The following CMPK2 variants were observed in gnomAD, a reference collection of about 807,000 sequenced individuals.
The protein encoded by CMPK2 is cytidine/uridine monophosphate kinase 2, also known as UMP-CMP kinase 2, mitochondrial.
In CMPK2, 32 loss-of-function variants were observed where a neutral mutation model predicts 33.4. The ratio of observed to expected loss-of-function variants is 0.96; its 90% CI spans 0.72 to 1.29. CMPK2 has a LOEUF of 1.29. CMPK2 is among the 50% of genes most tolerant of loss of function. CMPK2 has a pLI of 0.00. For synonymous variants in CMPK2, 299 were observed against 275.3 expected (o/e 1.09, Z -0.85); for missense variants, 672 against 616.0 (o/e 1.09, Z -0.96).
At chr2:6,862,511 A>C (rs1331397697) in intron 2 of CMPK2, among the ~76,000 whole-genome samples, 1 of 152,208 alleles carries the variant, frequency 6.6e-6, no homozygotes, top group African/African-American at 2.4e-5. Flanking sequence ...CTGTAATCCC[A>C]CCAAATCTAA....
At chr2:6,863,748 G>A (rs2712039) in intron 1 of CMPK2, among the ~76,000 whole-genome samples, 170 bp from the exon 2 acceptor site, 137,174 of 152,298 alleles carry the variant, frequency 0.9, 63,522 homozygotes, top group East Asian at 1. Flanking sequence ...GGACTGGAGT[G>A]TTTTATTTTA....
downstream of CMPK2, among the ~76,000 whole-genome samples, chr2:6,845,905 A>T (rs1312895248): frequency 6.6e-6 from 1 of 152,070 alleles, no homozygotes; most frequent in African/African-American, 2.4e-5. Flanking sequence ...TGGGGAGAGT[A>T]TTGAAGCTAA....
At chr2:6,862,392 T>C (rs1662908573) in intron 2 of CMPK2, among the ~76,000 whole-genome samples, 2 of 152,236 alleles carry the variant, frequency 1.3e-5, no homozygotes, top group African/African-American at 2.4e-5. Context: ...AGGATGCAAA[T>C]GCAGGGCAGA....
chr2:6,860,582 G>A (rs1662842458), intron 3 of CMPK2, among the ~76,000 whole-genome samples: 1 of 152,168 alleles, frequency 6.6e-6, no homozygotes, highest in Non-Finnish European at 1.5e-5. Context: ...GACATGCTTT[G>A]TACCTTCCAC....
At position 6,861,386 on chromosome 2, in the gene CMPK2, C is replaced by T. The variant is rs747067471; in HGVS notation, c.791-1G>A. On this transcript the variant is annotated splice_acceptor_variant, in intron 2 of 4. Coordinates refer to ENST00000256722, the MANE Select transcript of CMPK2 (RefSeq NM_207315.4). LOFTEE classifies it high-confidence loss of function. ...ACTGACTGGGTCACCGTGGTTTTACCTGCAGGTCATACACAAAATATATAC... is the reference window on the plus strand; with the variant it reads ...ACTGACTGGGTCACCGTGGTTTTACTTGCAGGTCATACACAAAATATATAC... 1 of 1,613,456 alleles carries T rather than the reference C, an allele frequency of 6.2e-7. No homozygotes were observed. Among genetic ancestry groups the T allele is most frequent in the Non-Finnish European group, 8.5e-7 (1 of 1,179,494 alleles).
intron 3 of CMPK2, among the ~76,000 whole-genome samples, chr2:6,853,378 C>T (rs926964553): frequency 6.6e-6 from 1 of 152,104 alleles, no homozygotes; most frequent in African/African-American, 2.4e-5. Flanking sequence ...CTGCCTGTGT[C>T]CCCCGCCCCA....
At position 6,848,656 on chromosome 2, in the gene CMPK2, T is replaced by C. The variant is rs1188790845; in HGVS notation, c.*1194A>G. On this transcript the variant is annotated 3_prime_UTR_variant, in exon 5 of 5. Transcript: ENST00000256722. ...TAAATTTAATTATTTTGGAGTAATGTCTTCTTAAGAAATGGTAGATAGGAT... is the reference window on the plus strand; with the variant it reads ...TAAATTTAATTATTTTGGAGTAATGCCTTCTTAAGAAATGGTAGATAGGAT... 2.0e-6 allele frequency: 2 copies of C among 976,166 alleles called. No individual in the cohort carries two copies. Among genetic ancestry groups the C allele is most frequent in the Non-Finnish European group, 2.4e-6 (2 of 821,252 alleles). 60.5% of individuals were successfully genotyped at this position (976,166 alleles called of 1,614,324 possible).
Position 6,861,231 on chromosome 2 carries a change from G to C in CMPK2, c.945C>G (p.Ala315=), listed in dbSNP as rs1157841328. Reference sequence around the variant, plus strand: ...TGGCAGATTCTTTAGCTATTTCGGAGGCCACAATATAATTGCCCAAAGAGT... The same window carrying C: ...TGGCAGATTCTTTAGCTATTTCGGACGCCACAATATAATTGCCCAAAGAGT... ...AFYSLGNYIV[A]SEIAKESAKS... is the part of the protein sequence containing the mutation. Residue 315 remains alanine, a synonymous_variant, in exon 3 of 5, where the codon GCC becomes GCG. Coordinates refer to ENST00000256722, the MANE Select transcript of CMPK2 (RefSeq NM_207315.4). 6 of 1,613,914 alleles carry C rather than the reference G, an allele frequency of 3.7e-6. No individual in the cohort carries two copies. Among genetic ancestry groups the C allele is most frequent in the Non-Finnish European group, 5.1e-6 (6 of 1,180,020 alleles).
downstream of CMPK2, among the ~76,000 whole-genome samples, chr2:6,846,368 C>T (rs1662362141): frequency 6.6e-6 from 1 of 152,126 alleles, no homozygotes; most frequent in African/African-American, 2.4e-5. Context: ...CCATGAATGT[C>T]TATTATTGAG....
downstream of CMPK2, among the ~76,000 whole-genome samples, chr2:6,847,969 G>A (rs993415914): frequency 6.6e-5 from 10 of 152,168 alleles, no homozygotes; most frequent in African/African-American, 9.7e-5. Context: ...GTCTTGCAAT[G>A]AGCAGAGCCA....
At chr2:6,858,819 G>A (rs531061611) in intron 3 of CMPK2, among the ~76,000 whole-genome samples, 58 of 152,326 alleles carry the variant, frequency 3.8e-4, no homozygotes, top group Non-Finnish European at 7.6e-4. Flanking sequence ...GGTACCAGAA[G>A]TGGGGTGCTG....
exon 4 of CMPK2, chr2:6,840,628 C>T (rs896970614): frequency 1.4e-6 from 1 of 702,356 alleles, no homozygotes; most frequent in Non-Finnish European, 2.6e-6. Flanking sequence ...ACAAACTTCA[C>T]TGCCGAGCAG....
intron 4 of CMPK2, chr2:6,851,122 C>A (rs1282195415): frequency 3.4e-6 from 4 of 1,167,932 alleles, no homozygotes; most frequent in Non-Finnish European, 4.3e-6. Context: ...AGCTCGTTAT[C>A]TAGTGCTCTG....
intron 3 of CMPK2, among the ~76,000 whole-genome samples, chr2:6,855,670 A>G (rs1400801552): frequency 6.6e-6 from 1 of 152,124 alleles, no homozygotes; most frequent in Non-Finnish European, 1.5e-5. Context: ...CAACCTTGAA[A>G]TTATTATTGT....
rs1257688468 is a variant in CMPK2, at chr2:6,865,441, C to T, written c.256G>A (p.Gly86Arg). The T allele has an allele frequency of 2.7e-5, 34 of 1,281,828 alleles. No individual in the cohort carries two copies. The highest frequency in any genetic ancestry group is 3.0e-5 in the Non-Finnish European group (31 of 1,019,460). 79.4% of individuals were successfully genotyped at this position (1,281,828 alleles called of 1,614,324 possible). The change falls in exon 1 of 5, where the codon GGG (glycine) becomes AGG (arginine). Residue 86 changes from glycine (G) to arginine (R), a missense_variant. By Grantham distance (125) the Gly-to-Arg change is moderately radical. Coordinates refer to ENST00000256722, the MANE Select transcript of CMPK2 (RefSeq NM_207315.4). ...CVPVTPDAGCGARVRAARLHQ... is the reference protein window; with the variant it reads ...CVPVTPDAGCRARVRAARLHQ... ...AGCCGCGCCGCCCGGACCCGGGCCCCGCAGCCGGCGTCCGGGGTCACGGGC... is the reference window on the plus strand; with the variant it reads ...AGCCGCGCCGCCCGGACCCGGGCCCTGCAGCCGGCGTCCGGGGTCACGGGC...
chr2:6,865,019 T>C lies in CMPK2; in HGVS notation c.675+3A>G. The C allele has an allele frequency of 7.0e-7, 1 of 1,420,498 alleles. No homozygotes were observed. Among genetic ancestry groups the C allele is most frequent in the Non-Finnish European group, 9.2e-7 (1 of 1,084,924 alleles). 88.0% of individuals were successfully genotyped at this position (1,420,498 alleles called of 1,614,324 possible). A position where few individuals can be genotyped will look rare whatever the true frequency, so the allele number is the denominator to read the frequency against. ...GGGAGCTGGAAGCGGACAGAACTCT[T>C]ACCTCCTCCAAAACGGCCCGGGCGG... On this transcript the variant is annotated splice_donor_region_variant and intron_variant, in intron 1 of 4. Coordinates refer to ENST00000256722, the MANE Select transcript of CMPK2 (RefSeq NM_207315.4).
chr2:6,859,388 G>A lies in CMPK2; in HGVS notation c.992+1796C>T, dbSNP rs181358684. 4.9e-4 allele frequency among the ~76,000 whole-genome samples: 74 copies of A among 152,276 alleles called. No homozygotes were observed. The South Asian group carries it at 6.4e-3, about 13-fold the overall frequency. ...ACCAAGACAATGGGGAAAATGTCTC[G>A]AGGGCATGTCAGAGACCTCTGCTGC... On this transcript the variant is annotated intron_variant, in intron 3 of 4. Transcript: ENST00000256722.
intron 3 of CMPK2, among the ~76,000 whole-genome samples, chr2:6,841,264 T>C (rs1021338725): frequency 3.9e-5 from 6 of 152,238 alleles, no homozygotes; most frequent in African/African-American, 1.4e-4. Context: ...AGTGAAGGCA[T>C]CCACCCACAA....
chr2:6,859,789 A>G (rs1484455677), intron 3 of CMPK2, among the ~76,000 whole-genome samples: 3 of 152,216 alleles, frequency 2.0e-5, no homozygotes, highest in Non-Finnish European at 4.4e-5. Context: ...GAGCCCCAAC[A>G]CAGAGTCCCT....
Sources: allele counts gnomAD v4.1 joint callset (sites outside exome capture counted in the v4.1 genomes callset), GRCh38; gene constraint gnomAD v4.1.1; transcripts MANE v1.5; gene names NCBI Gene and HGNC (gene_info 2026-07-23, HGNC 2026-07-21).